The following PPM1E variants were observed in gnomAD, a reference collection of about 807,000 sequenced individuals.
PPM1E encodes protein phosphatase 1E.
A neutral mutation model predicts 65.9 loss-of-function variants in PPM1E; 20 were observed. The ratio of observed to expected loss-of-function variants is 0.30; its 90% CI spans 0.21 to 0.44. The LOEUF (loss-of-function observed/expected upper bound fraction) is 0.44. PPM1E is among the 20% of genes least tolerant of loss of function. The pLI is 1.00. For synonymous variants in PPM1E, 352 were observed against 374.9 expected (o/e 0.94, Z 0.70); for missense variants, 713 against 953.1 (o/e 0.75, Z 3.32).
At chr17:58,929,692 A>G (rs770195214) in intron 1 of PPM1E, among the ~76,000 whole-genome samples, 40 of 152,214 alleles carry the variant, frequency 2.6e-4, no homozygotes, top group Non-Finnish European at 5.3e-4. Flanking sequence ...GAGAAGTAGA[A>G]AAAAAGCATT....
At chr17:58,868,629 A>C (rs1455673788) in intron 1 of PPM1E, among the ~76,000 whole-genome samples, 1 of 150,608 alleles carries the variant, frequency 6.6e-6, no homozygotes, top group African/African-American at 2.4e-5. Flanking sequence ...GGAGTTTAAA[A>C]AGGCTTTTTA....
intron 1 of PPM1E, among the ~76,000 whole-genome samples, chr17:58,811,940 A>T (rs1362030471): frequency 6.6e-6 from 1 of 152,144 alleles, no homozygotes; most frequent in Admixed American, 6.5e-5. Flanking sequence ...AAGTGCTGGG[A>T]TTACAGGTGT....
chr17:58,828,893 T>C (rs12952832), intron 1 of PPM1E, among the ~76,000 whole-genome samples: 96,823 of 152,088 alleles, frequency 0.64, 31,216 homozygotes, highest in African/African-American at 0.71. Flanking sequence ...ATTTAACAAT[T>C]TTATACAACT....
chr17:58,771,954 A>G lies in PPM1E; in HGVS notation c.464+15493A>G, dbSNP rs540405537. Among the ~76,000 whole-genome samples the G allele has an allele frequency of 3.9e-5, 6 of 152,308 alleles. No individual in the cohort carries two copies. In the East Asian group the frequency reaches 9.6e-4, roughly 24 times the overall value. On this transcript the variant is annotated intron_variant, in intron 1 of 6. Coordinates refer to ENST00000308249, the MANE Select transcript of PPM1E (RefSeq NM_014906.5). ...AAGTACAATACAATGTGAACATGTT[A>G]TTATAACTCTACTATGTGTGAAGTG...
At chr17:58,900,434 G>A (rs1370880593) in intron 1 of PPM1E, among the ~76,000 whole-genome samples, 2 of 152,156 alleles carry the variant, frequency 1.3e-5, no homozygotes, top group East Asian at 1.9e-4. Context: ...AGCTTATCAC[G>A]CTCTGAAGGC....
At chr17:58,845,296 T>C (rs1277444694) in intron 1 of PPM1E, among the ~76,000 whole-genome samples, 1 of 151,226 alleles carries the variant, frequency 6.6e-6, no homozygotes, top group Non-Finnish European at 1.5e-5. Context: ...TGGGTCATGG[T>C]TGGTTTTTTT....
chr17:58,770,198 A>T (rs1168736750), intron 1 of PPM1E, among the ~76,000 whole-genome samples: 1 of 152,204 alleles, frequency 6.6e-6, no homozygotes, highest in Non-Finnish European at 1.5e-5. Flanking sequence ...TAATGAGTTT[A>T]AAAATGGCTC....
chr17:58,816,787 TATATATA>T (rs1390285407), intron 1 of PPM1E, among the ~76,000 whole-genome samples: 46 of 9,972 alleles, frequency 4.6e-3, no homozygotes, highest in Non-Finnish European at 6.1e-3. Context: ...TATATATATA[TATATATA>T]TTTTTTTTTT....
At chr17:58,917,197 G>A (rs1263881384) in intron 1 of PPM1E, among the ~76,000 whole-genome samples, 4 of 148,108 alleles carry the variant, frequency 2.7e-5, no homozygotes, top group South Asian at 4.3e-4. Flanking sequence ...GGAACAGAGC[G>A]AGACTCTGTC....
At chr17:58,832,679 T>C (rs1190041110) in intron 1 of PPM1E, among the ~76,000 whole-genome samples, 1 of 152,216 alleles carries the variant, frequency 6.6e-6, no homozygotes, top group Non-Finnish European at 1.5e-5. Flanking sequence ...AGAGTTCAGA[T>C]GTACTCTTCA....
rs752603610 is a variant in PPM1E at position 58,756,159 on chromosome 17, A to G, written c.162A>G (p.Val54=). The G allele has an allele frequency of 1.3e-6, 2 of 1,590,924 alleles. No homozygotes were observed. Among genetic ancestry groups the G allele is most frequent in the South Asian group, 1.1e-5 (1 of 88,520 alleles). The change falls in exon 1 of 7, where the codon GTA becomes GTG. Residue 54 remains valine (V), a synonymous_variant. Coordinates refer to ENST00000308249, the MANE Select transcript of PPM1E (RefSeq NM_014906.5). ...ESEPEPEPEL[V]EAEAAEASVE... ...AGCCCGAGCCCGAACCTGAACTGGTAGAAGCTGAGGCGGCCGAGGCTTCGG... is the reference window on the plus strand; with the variant it reads ...AGCCCGAGCCCGAACCTGAACTGGTGGAAGCTGAGGCGGCCGAGGCTTCGG...
intron 1 of PPM1E, among the ~76,000 whole-genome samples, chr17:58,835,197 C>T (rs2050642841): frequency 6.6e-6 from 1 of 151,962 alleles, no homozygotes; most frequent in South Asian, 2.1e-4. Context: ...AAAAATTCGC[C>T]AACCATGGTG....
At chr17:58,844,573 T>C (rs2050753105) in intron 1 of PPM1E, among the ~76,000 whole-genome samples, 2 of 152,180 alleles carry the variant, frequency 1.3e-5, no homozygotes, top group Admixed American at 1.3e-4. Context: ...CAAGTGTAAA[T>C]AGCCGAGGTG....
chr17:58,816,778 ATATATATATATATATATTTTT>A (rs2050425864), intron 1 of PPM1E, among the ~76,000 whole-genome samples: 6 of 9,576 alleles, frequency 6.3e-4, no homozygotes, highest in African/African-American at 1.6e-3. Context: ...ATATATATAT[ATATATATATATATATATTTTT>A]TTTTTTTTTT....
At chr17:58,922,063 A>G (rs1407530558) in intron 1 of PPM1E, among the ~76,000 whole-genome samples, 2 of 151,784 alleles carry the variant, frequency 1.3e-5, no homozygotes, top group African/African-American at 4.9e-5. Context: ...AAAGAAAAAA[A>G]AAAAGTGTAT....
intron 1 of PPM1E, among the ~76,000 whole-genome samples, chr17:58,778,836 T>G (rs1429348802): frequency 2.0e-5 from 3 of 151,160 alleles, no homozygotes; most frequent in Non-Finnish European, 4.4e-5. Context: ...AACTTACTTG[T>G]ATTTTGCCAC....
At chr17:58,975,413 G>C (rs1434701384) in intron 6 of PPM1E, among the ~76,000 whole-genome samples, 1 of 152,168 alleles carries the variant, frequency 6.6e-6, no homozygotes, top group African/African-American at 2.4e-5. Context: ...AAGGAGGGAG[G>C]AATGCCTGAG....
At chr17:58,960,620 C>G (rs1445125677) in intron 2 of PPM1E, among the ~76,000 whole-genome samples, 1 of 151,658 alleles carries the variant, frequency 6.6e-6, no homozygotes, top group Non-Finnish European at 1.5e-5. Flanking sequence ...ACTAAAAATA[C>G]AAAAATTAGC....
intron 6 of PPM1E, among the ~76,000 whole-genome samples, chr17:58,975,860 T>C (rs147729476): frequency 6.6e-6 from 1 of 152,252 alleles, no homozygotes; most frequent in African/African-American, 2.4e-5. Flanking sequence ...ATACAGTTTG[T>C]TACAGAGATG....
Sources: allele counts gnomAD v4.1 joint callset (sites outside exome capture counted in the v4.1 genomes callset), GRCh38; gene constraint gnomAD v4.1.1; transcripts MANE v1.5; gene names NCBI Gene and HGNC (gene_info 2026-07-23, HGNC 2026-07-21).